Variants in PYGB observed in about 807,000 individuals in gnomAD.
The protein encoded by PYGB is glycogen phosphorylase B, also known as glycogen phosphorylase, brain form.
Under a neutral mutation model 94.3 loss-of-function variants are expected in PYGB, and 82 were observed. The ratio of observed to expected loss-of-function variants is 0.87; its 90% CI spans 0.73 to 1.04. The LOEUF (loss-of-function observed/expected upper bound fraction) is 1.04. PYGB is among the 50% of genes least tolerant of loss of function. The pLI is 0.00. For missense variants in PYGB, 1,132 were observed against 1,158.2 expected, an observed-to-expected ratio of 0.98 and a Z score of 0.33; for synonymous variants, 488 against 479.1, an observed-to-expected ratio of 1.02 and a Z score of -0.24.
intron 1 of PYGB, among the ~76,000 whole-genome samples, chr20:25,252,239 C>G (rs1338977580): frequency 2.0e-5 from 3 of 152,228 alleles, no homozygotes; most frequent in African/African-American, 7.2e-5. Flanking sequence ...GATGGAGAAG[C>G]CTACAGTGTG....
Position 25,269,133 on chromosome 20 carries a change from G to A in PYGB, c.350G>A (p.Gly117Glu). The part of the protein sequence containing the change: ...NACDEAIYQL[G>E]LDLEELEEIE... ...TGCCTGTGTTTTTGTTTGCAGTTGG[G>A]GTTAGACTTGGAGGAACTCGAGGAG... Residue 117 changes from glycine to glutamate, a missense_variant, in exon 3 of 20, where the codon GGG (glycine) becomes GAG (glutamate). Gly to Glu is a moderately conservative substitution (Grantham distance 98). Transcript: ENST00000216962. 6.3e-7 allele frequency: 1 copy of A among 1,579,450 alleles called. No homozygotes were observed. Among genetic ancestry groups the A allele is most frequent in the Admixed American group, 1.7e-5 (1 of 59,968 alleles).
Position 25,276,692 on chromosome 20 carries a change from A to G in PYGB, c.707A>G (p.Asn236Ser). The G allele has an allele frequency of 1.2e-6, 2 of 1,613,954 alleles. No individual in the cohort carries two copies. The highest frequency in any genetic ancestry group is 1.7e-6 in the Non-Finnish European group (2 of 1,179,880). ...PYDTPVPGYK[N>S]NTVNTMRLWS... ...GACACCCCAGTGCCCGGCTACAAGA[A>G]CAACACCGTCAACACCATGCGGCTG... The change falls in exon 6 of 20, where the codon AAC becomes AGC. Residue 236 changes from asparagine (N) to serine (S), a missense_variant. Transcript: ENST00000216962.
At chr20:25,249,994 C>T (rs2092883031) in intron 1 of PYGB, among the ~76,000 whole-genome samples, 1 of 152,126 alleles carries the variant, frequency 6.6e-6, no homozygotes, top group South Asian at 2.1e-4. Flanking sequence ...GGATTACAGG[C>T]GCCTACCACC....
Position 25,277,346 on chromosome 20 carries a change from A to C in PYGB, c.855+20A>C. The C allele has an allele frequency of 1.3e-6, 2 of 1,532,400 alleles. No individual in the cohort carries two copies. The highest frequency in any genetic ancestry group is 1.8e-6 in the Non-Finnish European group (2 of 1,106,052). 94.9% of individuals were successfully genotyped at this position (1,532,400 alleles called of 1,614,324 possible). On this transcript the variant is annotated intron_variant, in intron 7 of 19. Transcript: ENST00000216962. Reference sequence around the variant, plus strand: ...GATAACGTGAGTAGCTGGCCTGGGCACTCTTGCTCAGGCCGTATCGCTTTC... The same window carrying C: ...GATAACGTGAGTAGCTGGCCTGGGCCCTCTTGCTCAGGCCGTATCGCTTTC...
chr20:25,296,312 T>C lies in PYGB; in HGVS notation c.2380-58T>C, dbSNP rs540727679. 95 of 1,598,554 alleles carry C rather than the reference T, an allele frequency of 5.9e-5. No individual in the cohort carries two copies. In the African/African-American group the frequency reaches 1.2e-3, roughly 21 times the overall value. On this transcript the variant is annotated intron_variant, in intron 19 of 19. Transcript: ENST00000216962. ...AGTCCTAAAGTTCTGGAATCCCATG[T>C]TTTTAGCAGCCCCAAGCCCTGTGAC... is the stretch of plus-strand genomic sequence containing the variant.
At chr20:25,293,595 G>A (rs945611937) in intron 17 of PYGB, among the ~76,000 whole-genome samples, 4 of 152,180 alleles carry the variant, frequency 2.6e-5, no homozygotes, top group East Asian at 1.9e-4. Flanking sequence ...TTGCTGGCCC[G>A]AGCACAGAGG....
At chr20:25,269,381 T>C (rs1284921268) in intron 3 of PYGB, among the ~76,000 whole-genome samples, 174 bp downstream of exon 3, 5 of 152,160 alleles carry the variant, frequency 3.3e-5, no homozygotes, top group African/African-American at 7.2e-5. Context: ...GGGGAAAATG[T>C]ATGTTTTCTT....
intron 1 of PYGB, among the ~76,000 whole-genome samples, chr20:25,249,821 C>A (rs938613250): frequency 1.1e-4 from 17 of 151,478 alleles, no homozygotes; most frequent in Admixed American, 6.6e-4. Flanking sequence ...GAATTCCCTG[C>A]TGTTGGGAGA....
rs759202320 is a variant in PYGB, at chr20:25,271,483, G to GC, written c.526dup (p.Gln176ProfsTer7). ...TTAACCAGAAGATTGTCAATGGCTG[G>GC]CAGGTGGGTGAGATTTCATTTCTTC... On this transcript the variant is annotated frameshift_variant, in exon 4 of 20. Transcript: ENST00000216962. LOFTEE classifies it high-confidence loss of function. 5 of 1,611,110 alleles carry GC rather than the reference G, an allele frequency of 3.1e-6. No individual in the cohort carries two copies. Among genetic ancestry groups the GC allele is most frequent in the Non-Finnish European group, 4.2e-6 (5 of 1,177,318 alleles).
chr20:25,291,832 T>C (rs916017325), intron 16 of PYGB, among the ~76,000 whole-genome samples: 10 of 151,868 alleles, frequency 6.6e-5, no homozygotes, highest in African/African-American at 2.4e-4. Context: ...GAGGTGAGGG[T>C]GGAGAGCAGG....
intron 12 of PYGB, among the ~76,000 whole-genome samples, chr20:25,282,840 G>A (rs1162815392): frequency 6.6e-6 from 1 of 152,216 alleles, no homozygotes; most frequent in African/African-American, 2.4e-5. Flanking sequence ...GAAGGTGCTG[G>A]TGGAGGGCAG....
At chr20:25,261,316 G>A (rs926679395) in intron 2 of PYGB, among the ~76,000 whole-genome samples, 6 of 152,232 alleles carry the variant, frequency 3.9e-5, no homozygotes, top group Admixed American at 3.3e-4. Context: ...AACGTTTGCT[G>A]TTCTGCAGTA....
rs1477330520 is a variant in PYGB at position 25,283,267 on chromosome 20, A to C, written c.1610A>C (p.Lys537Thr). The C allele has an allele frequency of 6.2e-7, 1 of 1,613,160 alleles. No individual in the cohort carries two copies. Among genetic ancestry groups the C allele is most frequent in the African/African-American group, 1.3e-5 (1 of 74,914 alleles). Residue 537 changes from lysine to threonine, a missense_variant, in exon 13 of 20, where the codon AAG becomes ACG. Physicochemically the swap from Lys to Thr is moderately conservative, Grantham distance 78. Transcript: ENST00000216962. ...GAGGTGTTCATCAGGGACGTGGCCA[A>C]GGTCAAACAGGTAGGCATGGCCCTG... The part of the protein sequence containing the change: ...SDEVFIRDVA[K>T]VKQENKLKFS...
intron 12 of PYGB, 131 bp from the exon 13 acceptor site, chr20:25,283,045 C>T (rs1461313880): frequency 3.9e-5 from 29 of 741,678 alleles, no homozygotes; most frequent in South Asian, 2.4e-4. Flanking sequence ...GTGGGATGCC[C>T]GGAGGGGCCG....
chr20:25,271,392 T>C lies in PYGB; in HGVS notation c.434T>C (p.Leu145Pro), dbSNP rs773439527. Residue 145 changes from leucine (L) to proline (P), a missense_variant, in exon 4 of 20, where the codon CTT (leucine) becomes CCT (proline). Leu to Pro is a moderately conservative substitution (Grantham distance 98). Coordinates refer to ENST00000216962, the MANE Select transcript of PYGB (RefSeq NM_002862.4). ...TGATTGATTTTTTCAGCGTGTTTCC[T>C]TGACTCAATGGCTACCTTGGGCCTG... ...GGLGRLAACF[L>P]DSMATLGLAA... The C allele has an allele frequency of 8.7e-6, 14 of 1,614,048 alleles. No homozygotes were observed. Among genetic ancestry groups the C allele is most frequent in the African/African-American group, 2.7e-5 (2 of 74,924 alleles).
intron 1 of PYGB, among the ~76,000 whole-genome samples, chr20:25,258,236 A>G (rs961942458): frequency 3.3e-5 from 5 of 152,238 alleles, no homozygotes; most frequent in Non-Finnish European, 7.3e-5. Flanking sequence ...CGACCCATGT[A>G]GAATTCCAGG....
rs969782474 is a variant in PYGB, at chr20:25,270,197, T to G, written c.424+990T>G. Among the ~76,000 whole-genome samples the G allele has an allele frequency of 2.0e-3, 259 of 131,020 alleles. 3 individuals carry two copies. The highest frequency in any genetic ancestry group is 3.1e-3 in the Non-Finnish European group (203 of 66,272). 86.0% of individuals were successfully genotyped at this position (131,020 alleles called of 152,430 possible). ...TTTTTTAATCCTGAAGTTTTTTTTG[T>G]TTTGTTTTGTTTTTTTTTTTTTTGA... is the stretch of plus-strand genomic sequence containing the variant. On this transcript the variant is annotated intron_variant, in intron 3 of 19. Coordinates refer to ENST00000216962, the MANE Select transcript of PYGB (RefSeq NM_002862.4).
intron 17 of PYGB, among the ~76,000 whole-genome samples, chr20:25,293,665 G>A (rs960836958): frequency 1.7e-4 from 26 of 152,196 alleles, no homozygotes; most frequent in African/African-American, 4.6e-4. Context: ...GTCCTGGGAT[G>A]CCCATGTCTG....
chr20:25,287,718 G>A (rs543631925), intron 14 of PYGB, among the ~76,000 whole-genome samples: 1 of 152,088 alleles, frequency 6.6e-6, no homozygotes, highest in South Asian at 2.1e-4. Context: ...GGTAGCTCAC[G>A]CCTATAATCC....
Sources: gnomAD v4.1 joint callset for allele counts (sites outside exome capture counted in the v4.1 genomes callset) on GRCh38, gnomAD v4.1.1 for gene constraint, MANE v1.5 for transcripts, NCBI Gene and HGNC (gene_info 2026-07-23, HGNC 2026-07-21) for gene names.